The following MYZAP variants were observed in gnomAD, a reference collection of about 807,000 sequenced individuals.
MYZAP encodes the protein myocardial zonula adherens protein, also known as GRINL1A complex locus upstream.
In MYZAP, 66 loss-of-function variants were observed where a neutral mutation model predicts 69.4. The observed-to-expected ratio is 0.95, with a 90% CI of 0.78 to 1.17. The LOEUF (loss-of-function observed/expected upper bound fraction) is 1.17. Among genes scored for constraint, MYZAP ranks in the 50% most tolerant of loss-of-function variants. The pLI is 0.00. For synonymous variants in MYZAP, 256 were observed against 205.9 expected (o/e 1.24, Z -2.09); for missense variants, 611 against 556.2 (o/e 1.10, Z -0.99).
chr15:57,651,304 G>A (rs2037714932), intron 10 of MYZAP, among the ~76,000 whole-genome samples: 2 of 152,154 alleles, frequency 1.3e-5, no homozygotes, highest in Non-Finnish European at 2.9e-5. Flanking sequence ...TTCAGGATTT[G>A]GTGTTTTGTC....
chr15:57,632,951 C>T (rs1180189835), intron 7 of MYZAP, among the ~76,000 whole-genome samples: 1 of 152,194 alleles, frequency 6.6e-6, no homozygotes, highest in Admixed American at 6.5e-5. Flanking sequence ...TTAAATGCCA[C>T]TCTCTCCATG....
At chr15:57,604,159 T>C (rs2034590148) in intron 1 of MYZAP, 110 bp from the exon 2 acceptor site, 3 of 1,124,784 alleles carry the variant, frequency 2.7e-6, no homozygotes. Flanking sequence ...ATCAGGACAG[T>C]GTTCCCCAAT....
At chr15:57,680,492 CA>C (rs1160131893) in intron 12 of MYZAP, among the ~76,000 whole-genome samples, 9 of 147,342 alleles carry the variant, frequency 6.1e-5, no homozygotes, top group Non-Finnish European at 1.5e-5. Flanking sequence ...AGTTCACACA[CA>C]CACACACACA....
rs2039621691 is a variant in MYZAP at position 57,684,934 on chromosome 15, C to T, written c.*436C>T. 1 of 154,700 alleles carries T rather than the reference C, an allele frequency of 6.5e-6. No homozygotes were observed. The highest frequency in any genetic ancestry group is 2.4e-5 in the African/African-American group (1 of 41,452). The allele number at this position is 154,700 out of a possible 1,614,324, so 9.6% of individuals were successfully genotyped here. On this transcript the variant is annotated 3_prime_UTR_variant, in exon 13 of 13. Transcript: ENST00000267853. ...TATTAGAGGCAGCGTTTCTCTGATA[C>T]AGAGAGGCCTGTCCACAAGAAGCAT...
chr15:57,616,822 C>CCTTTT (rs769228385), intron 2 of MYZAP, among the ~76,000 whole-genome samples: 1 of 50,058 alleles, frequency 2.0e-5, no homozygotes, highest in African/African-American at 7.9e-5. Flanking sequence ...AAAAAAAGTG[C>CCTTTT]TTTTTTTTTT....
Position 57,629,871 on chromosome 15 carries a change from T to C in MYZAP, c.678+17T>C. 6.2e-7 allele frequency: 1 copy of C among 1,607,098 alleles called. No individual in the cohort carries two copies. Among genetic ancestry groups the C allele is most frequent in the Non-Finnish European group, 8.5e-7 (1 of 1,178,178 alleles). On this transcript the variant is annotated intron_variant, in intron 6 of 12. Transcript: ENST00000267853. ...AAAATGAAGGTGGAGTATAAAAGCC[T>C]AGATTTATTTTCTATGAACTTTTCT...
At chr15:57,637,182 C>T (rs1488104271) in intron 8 of MYZAP, among the ~76,000 whole-genome samples, 2 of 152,184 alleles carry the variant, frequency 1.3e-5, no homozygotes, top group African/African-American at 2.4e-5. Context: ...ATTCCTTTCT[C>T]CATGTAAGAT....
In MYZAP at chr15:57,602,905, T is replaced by TA. The variant is rs1365756810; in HGVS notation, c.76-1363dup. Among the ~76,000 whole-genome samples the TA allele has an allele frequency of 5.3e-5, 8 of 152,302 alleles. No individual in the cohort carries two copies. The East Asian group carries it at 1.5e-3, about 29-fold the overall frequency. ...GGTTAGCTATTACTATTATTACTGT[T>TA]ATTGTCCCCTCGTACTACAGATTAT... On this transcript the variant is annotated intron_variant, in intron 1 of 12. Coordinates refer to ENST00000267853, the MANE Select transcript of MYZAP (RefSeq NM_001018100.5).
intron 2 of MYZAP, among the ~76,000 whole-genome samples, chr15:57,614,309 AG>A (rs1357912537): frequency 2.0e-5 from 3 of 152,252 alleles, no homozygotes; most frequent in Non-Finnish European, 4.4e-5. Flanking sequence ...AAGACAAAGT[AG>A]GCCCTGGACT....
intron 6 of MYZAP, among the ~76,000 whole-genome samples, chr15:57,630,129 C>A (rs2036415575): frequency 6.6e-6 from 1 of 152,036 alleles, no homozygotes; most frequent in African/African-American, 2.4e-5. Context: ...CCACCTTGCC[C>A]AGTAATTTTT....
At chr15:57,646,101 C>T (rs1265042967) in intron 10 of MYZAP, 1 of 1,266,030 alleles carries the variant, frequency 7.9e-7, no homozygotes, top group African/African-American at 1.5e-5. Context: ...AGCACCAAGC[C>T]CACAAACCTA....
intron 6 of MYZAP, among the ~76,000 whole-genome samples, chr15:57,631,809 G>A (rs1007620298): frequency 2.4e-4 from 37 of 152,196 alleles, no homozygotes; most frequent in Admixed American, 2.0e-3. Flanking sequence ...TGCAATAGGC[G>A]ATAACCTGGA....
intron 12 of MYZAP, chr15:57,680,798 C>T (rs1329296864): frequency 6.6e-6 from 1 of 152,198 alleles, no homozygotes; most frequent in Non-Finnish European, 1.5e-5. Flanking sequence ...GTAGTAAGTG[C>T]TTTAAAATGC....
chr15:57,684,292 T>C, intron 12 of MYZAP, 110 bp from the exon 13 acceptor site: 2 of 724,964 alleles, frequency 2.8e-6, no homozygotes, highest in Non-Finnish European at 4.8e-6. Context: ...TTATTGTCTT[T>C]TTATTTTTAA....
At chr15:57,595,184 C>T (rs1241469980) in intron 1 of MYZAP, among the ~76,000 whole-genome samples, 4 of 152,082 alleles carry the variant, frequency 2.6e-5, no homozygotes, top group Admixed American at 1.3e-4. Flanking sequence ...TCTGAAATCA[C>T]CTCTCAAGGA....
intron 2 of MYZAP, among the ~76,000 whole-genome samples, chr15:57,616,821 G>GCTTTTTTTTT (rs2035484526): frequency 1.9e-5 from 1 of 53,318 alleles, no homozygotes; most frequent in Non-Finnish European, 3.4e-5. Context: ...AAAAAAAAGT[G>GCTTTTTTTTT]CTTTTTTTTT....
At chr15:57,621,867 A>G (rs2035841372) in intron 4 of MYZAP, among the ~76,000 whole-genome samples, 167 bp downstream of exon 4, 1 of 152,198 alleles carries the variant, frequency 6.6e-6, no homozygotes, top group Non-Finnish European at 1.5e-5. Flanking sequence ...TTTATTACCT[A>G]AAGGGAAATT....
chr15:57,664,298 A>G (rs1474019862), intron 11 of MYZAP, among the ~76,000 whole-genome samples: 2 of 151,540 alleles, frequency 1.3e-5, no homozygotes, highest in African/African-American at 4.8e-5. Flanking sequence ...CAAACACAGG[A>G]CTCCTTATCA....
chr15:57,623,651 T>G (rs550585464), intron 4 of MYZAP, among the ~76,000 whole-genome samples: 1 of 151,848 alleles, frequency 6.6e-6, no homozygotes, highest in South Asian at 2.1e-4. Flanking sequence ...GAGAATCACT[T>G]GAGCCTGGGA....
Sources: allele counts gnomAD v4.1 joint callset (sites outside exome capture counted in the v4.1 genomes callset), GRCh38; gene constraint gnomAD v4.1.1; transcripts MANE v1.5; gene names NCBI Gene and HGNC (gene_info 2026-07-23, HGNC 2026-07-21).